The following CACNA1A variants were observed in gnomAD, a reference collection of about 807,000 sequenced individuals.
CACNA1A encodes voltage-dependent P/Q-type calcium channel subunit alpha-1A.
A neutral mutation model predicts 262.4 loss-of-function variants in CACNA1A; 57 were observed. The ratio of observed to expected loss-of-function variants is 0.22; its 90% CI spans 0.18 to 0.27. CACNA1A has a LOEUF of 0.27. CACNA1A is among the 10% of genes least tolerant of loss of function. The pLI, the probability that CACNA1A is intolerant of heterozygous loss-of-function variation, is 1.00. For missense variants in CACNA1A, 2,526 were observed against 3,562.8 expected, an observed-to-expected ratio of 0.71 and a Z score of 7.41; for synonymous variants, 1,431 against 1,419.3, an observed-to-expected ratio of 1.01 and a Z score of -0.18.
At chr19:13,268,491 T>C (rs1400003410) in intron 24 of CACNA1A, among the ~76,000 whole-genome samples, 3 of 151,092 alleles carry the variant, frequency 2.0e-5, no homozygotes, top group African/African-American at 4.9e-5. Flanking sequence ...TGGAGTGCAG[T>C]GGCAAGATCT....
At chr19:13,265,706 G>C (rs1372935364) in intron 24 of CACNA1A, among the ~76,000 whole-genome samples, 2 of 152,090 alleles carry the variant, frequency 1.3e-5, no homozygotes, top group Admixed American at 6.6e-5. Context: ...GTATCTTTCA[G>C]ACGCTCTGCT....
At chr19:13,384,325 G>C (rs539838991) in intron 3 of CACNA1A, among the ~76,000 whole-genome samples, 2 of 152,244 alleles carry the variant, frequency 1.3e-5, no homozygotes, top group South Asian at 4.1e-4. Flanking sequence ...AAAAGCCAAG[G>C]GTCCCCAGTG....
intron 27 of CACNA1A, 108 bp from the exon 28 acceptor site, chr19:13,257,659 G>A (rs1371923279): frequency 1.8e-6 from 1 of 556,520 alleles, no homozygotes; most frequent in Non-Finnish European, 3.1e-6. Flanking sequence ...GGCAGAACAG[G>A]AACAGAGGGA....
chr19:13,478,556 ATCC>A (rs1489566661), intron 1 of CACNA1A, among the ~76,000 whole-genome samples: 2 of 152,154 alleles, frequency 1.3e-5, no homozygotes, highest in African/African-American at 4.8e-5. Context: ...GCCTCCAGCG[ATCC>A]TCCTACCTCG....
At position 13,358,416 on chromosome 19, in the gene CACNA1A, G is replaced by A. The variant is rs536128602; in HGVS notation, c.978+1190C>T. ...CCCTGTCTCTACAAAAATTAGCTGG[G>A]CATACTAGTGTGCACCCGTGAAGAG... On this transcript the variant is annotated intron_variant, in intron 6 of 46. Coordinates refer to ENST00000360228, the MANE Select transcript of CACNA1A (RefSeq NM_001127222.2). Among the ~76,000 whole-genome samples, 3 of 152,272 alleles carry A rather than the reference G, an allele frequency of 2.0e-5. No homozygotes were observed. The South Asian group carries it at 6.2e-4, about 32-fold the overall frequency.
intron 1 of CACNA1A, among the ~76,000 whole-genome samples, chr19:13,462,931 T>C (rs1202253185): frequency 6.6e-6 from 1 of 152,116 alleles, no homozygotes; most frequent in Non-Finnish European, 1.5e-5. Flanking sequence ...GGCTAACTTT[T>C]AACATTTTTG....
Position 13,286,559 on chromosome 19 carries a change from G to A in CACNA1A, c.3497C>T (p.Thr1166Ile), listed in dbSNP as rs746222908. The A allele has an allele frequency of 9.7e-6, 15 of 1,549,290 alleles. No homozygotes were observed. The South Asian group carries it at 1.3e-4, about 13-fold the overall frequency. Residue 1166 changes from threonine to isoleucine, a missense_variant, in exon 20 of 47, where the codon ACC (threonine) becomes ATC (isoleucine). Transcript: ENST00000360228. ...GCAGGCTGGGGGGATGTCCACTGTG[G>A]TGTGGTCGGGTTTCCTGGCAGTCTT... ...SAKTARKPDH[T>I]TVDIPPACPP...
intron 10 of CACNA1A, among the ~76,000 whole-genome samples, chr19:13,318,464 G>C (rs771300359): frequency 3.3e-5 from 5 of 152,108 alleles, no homozygotes; most frequent in Non-Finnish European, 7.4e-5. Context: ...AGTGAGGGGG[G>C]AGCCGTGGAG....
At chr19:13,361,530 G>C (rs2059111324) in intron 5 of CACNA1A, among the ~76,000 whole-genome samples, 1 of 152,204 alleles carries the variant, frequency 6.6e-6, no homozygotes, top group South Asian at 2.1e-4. Context: ...GTAAACTCAA[G>C]CTTCCTACTC....
chr19:13,348,705 G>A (rs1165977297), intron 6 of CACNA1A, among the ~76,000 whole-genome samples: 78 of 152,208 alleles, frequency 5.1e-4, no homozygotes, highest in East Asian at 9.7e-4. Context: ...GCGTGTTGGT[G>A]CATGCCTGTA....
At chr19:13,376,810 GTT>G (rs2059420997) in intron 3 of CACNA1A, among the ~76,000 whole-genome samples, 1 of 75,160 alleles carries the variant, frequency 1.3e-5, no homozygotes, top group Non-Finnish European at 3.2e-5. Context: ...CATAATATAT[GTT>G]ATGTGTGATA....
At chr19:13,453,125 A>T in intron 2 of CACNA1A, 110 bp from the exon 3 acceptor site, 2 of 1,075,126 alleles carry the variant, frequency 1.9e-6, no homozygotes, top group South Asian at 2.9e-5. Flanking sequence ...ACTTCCCCTG[A>T]CCCTCCTGCA....
At chr19:13,265,734 C>T (rs1281413385) in intron 24 of CACNA1A, among the ~76,000 whole-genome samples, 1 of 152,104 alleles carries the variant, frequency 6.6e-6, no homozygotes, top group South Asian at 2.1e-4. Context: ...GAAAGGAAGC[C>T]TCAGGTAGAT....
chr19:13,463,428 C>T (rs1291630603), intron 1 of CACNA1A, among the ~76,000 whole-genome samples: 1 of 152,188 alleles, frequency 6.6e-6, no homozygotes, highest in Non-Finnish European at 1.5e-5. Flanking sequence ...TCTCTCCACT[C>T]GCTGATCAGC....
chr19:13,419,057 C>A (rs1457494384), intron 3 of CACNA1A, among the ~76,000 whole-genome samples: 1 of 152,128 alleles, frequency 6.6e-6, no homozygotes. Context: ...CCACACCTGG[C>A]TAATTTTTGC....
intron 6 of CACNA1A, among the ~76,000 whole-genome samples, chr19:13,344,872 G>A (rs1289868807): frequency 6.6e-6 from 1 of 151,592 alleles, no homozygotes; most frequent in Non-Finnish European, 1.5e-5. Context: ...CTTGTGCCTC[G>A]GCCTCCCAAG....
intron 5 of CACNA1A, among the ~76,000 whole-genome samples, chr19:13,361,207 A>G (rs2059105220): frequency 1.3e-5 from 2 of 152,162 alleles, no homozygotes; most frequent in African/African-American, 4.8e-5. Flanking sequence ...ACAGGAGCTG[A>G]GCTTTCTCCC....
rs1297207258 is a variant in CACNA1A, at chr19:13,313,078, C to T, written c.1556-297G>A. Among the ~76,000 whole-genome samples, 7 of 151,984 alleles carry T rather than the reference C, an allele frequency of 4.6e-5. 1 individual carries two copies. The East Asian group carries it at 1.4e-3, about 30-fold the overall frequency. On this transcript the variant is annotated intron_variant, in intron 11 of 46. Transcript: ENST00000360228. Reference sequence around the variant, plus strand: ...GTCTCACTATGTTGCCCTGGCTGGTCTTGAACTCCTGGCCTCAAGTGATCC... The same window carrying T: ...GTCTCACTATGTTGCCCTGGCTGGTTTTGAACTCCTGGCCTCAAGTGATCC...
chr19:13,267,185 G>A (rs747762776), intron 24 of CACNA1A, among the ~76,000 whole-genome samples: 12 of 152,152 alleles, frequency 7.9e-5, no homozygotes, highest in Non-Finnish European at 1.0e-4. Flanking sequence ...AGACTTTACC[G>A]TGTACTGCTC....
Sources: gnomAD v4.1 joint callset for allele counts (sites outside exome capture counted in the v4.1 genomes callset) on GRCh38, gnomAD v4.1.1 for gene constraint, MANE v1.5 for transcripts, NCBI Gene and HGNC (gene_info 2026-07-23, HGNC 2026-07-21) for gene names.